ABCC11: variants seen among roughly 807,000 people sequenced by gnomAD.
ABCC11 encodes the protein ATP binding cassette subfamily C member 11, also known as ATP-binding cassette sub-family C member 11.
In ABCC11, 135 loss-of-function variants were observed where a neutral mutation model predicts 149.3. The ratio of observed to expected loss-of-function variants is 0.90; its 90% confidence interval spans 0.79 to 1.04. The LOEUF (loss-of-function observed/expected upper bound fraction) is 1.04, where lower values mean the gene tolerates loss of function less well. Ranked by LOEUF, ABCC11 falls within the 50% of genes least tolerant of loss-of-function variation. The pLI, the probability that ABCC11 is intolerant of heterozygous loss-of-function variation, is 0.00. For missense variants in ABCC11, 1,680 were observed against 1,722.1 expected, an observed-to-expected ratio of 0.98 and a Z score of 0.43; for synonymous variants, 665 against 671.4, an observed-to-expected ratio of 0.99 and a Z score of 0.15.
At chr16:48,244,215 G>A (rs1404247128) in intron 1 of ABCC11, 1 of 521,004 alleles carries the variant, frequency 1.9e-6, no homozygotes, top group African/African-American at 2.0e-5. Context: ...TTACCGGGAG[G>A]CTCTCCTAGA....
intron 23 of ABCC11, among the ~76,000 whole-genome samples, chr16:48,182,169 T>G (rs1038661278): frequency 2.0e-5 from 3 of 152,216 alleles, no homozygotes; most frequent in Non-Finnish European, 4.4e-5. Context: ...TGGACATACA[T>G]GCACTCCAGC....
chr16:48,178,296 C>A (rs1166951381), intron 24 of ABCC11, among the ~76,000 whole-genome samples: 3 of 152,144 alleles, frequency 2.0e-5, no homozygotes, highest in Non-Finnish European at 2.9e-5. Context: ...ATAATAGGAA[C>A]AAAGATTGTT....
chr16:48,203,869 C>CA (rs1209355465), intron 13 of ABCC11, among the ~76,000 whole-genome samples: 6 of 151,734 alleles, frequency 4.0e-5, no homozygotes, highest in Non-Finnish European at 8.8e-5. Flanking sequence ...GACTCCGTCT[C>CA]AAAAAAAAGC....
In ABCC11 at chr16:48,166,526, G is replaced by C. The variant is rs145888474; in HGVS notation, c.*748C>G. On this transcript the variant is annotated 3_prime_UTR_variant, in exon 30 of 30. Transcript: ENST00000356608. ...CAACAAACTCTTTTTTTTTTCCAAA[G>C]TTAGTTTGAGGGAGTCTCTGTTCCT... 5.9e-3 allele frequency among the ~76,000 whole-genome samples: 901 copies of C among 151,558 alleles called. 9 individuals are homozygous for C. Among genetic ancestry groups the C allele is most frequent in the African/African-American group, 0.021 (874 of 41,336 alleles).
At chr16:48,217,699 G>A (rs969503594) in intron 6 of ABCC11, among the ~76,000 whole-genome samples, 1 of 152,198 alleles carries the variant, frequency 6.6e-6, no homozygotes, top group African/African-American at 2.4e-5. Flanking sequence ...CCCTTACAAA[G>A]TGATTTGCTT....
intron 1 of ABCC11, among the ~76,000 whole-genome samples, chr16:48,233,205 A>C (rs1347579785): frequency 1.3e-5 from 2 of 152,198 alleles, no homozygotes; most frequent in African/African-American, 4.8e-5. Context: ...CATCTCAAAA[A>C]ACAAAACAAA....
In ABCC11 at chr16:48,193,937, A is replaced by G. The variant is rs779301481; in HGVS notation, c.2450T>C (p.Val817Ala). 7 of 1,614,092 alleles carry G rather than the reference A, an allele frequency of 4.3e-6. No individual in the cohort carries two copies. In the South Asian group the frequency reaches 7.7e-5, roughly 18 times the overall value. ...CIIFFFVVLI[V>A]FLTIFSFWWL... ...CCAGAAGCTGAAGATCGTTAAGAAG[A>G]CGATCAGCACCACGAAGAAGAAAAT... Residue 817 changes from valine to alanine, a missense_variant, in exon 19 of 30, where the codon GTC (valine) becomes GCC (alanine). By Grantham distance (64) the Val-to-Ala change is moderately conservative. Transcript: ENST00000356608.
At chr16:48,226,899 A>G (rs1219051858) in intron 4 of ABCC11, among the ~76,000 whole-genome samples, 1 of 152,226 alleles carries the variant, frequency 6.6e-6, no homozygotes, top group Non-Finnish European at 1.5e-5. Flanking sequence ...TATAATTTCC[A>G]GAACACATTT....
intron 20 of ABCC11, among the ~76,000 whole-genome samples, chr16:48,191,346 C>A (rs929014894): frequency 1.3e-5 from 2 of 151,980 alleles, no homozygotes; most frequent in Admixed American, 6.6e-5. Flanking sequence ...GACCAGCCTG[C>A]GCAACATGGC....
chr16:48,175,949 C>G (rs1185119678), intron 25 of ABCC11: 5 of 148,732 alleles, frequency 3.4e-5, no homozygotes, highest in Admixed American at 2.0e-4. Flanking sequence ...AGGTTTCAAC[C>G]CTGTTCTCAT....
rs747413417 is a variant in ABCC11 at position 48,230,555 on chromosome 16, C to T, written c.118G>A (p.Asp40Asn). Residue 40 changes from aspartate to asparagine, a missense_variant, in exon 3 of 30, where the codon GAT (aspartate) becomes AAT (asparagine). Asp to Asn is a conservative substitution (Grantham distance 23). Coordinates refer to ENST00000356608, the MANE Select transcript of ABCC11 (RefSeq NM_001370497.1). ...CTCTCTTGCTGACTCCAGGGGCCAT[C>T]TTGGAGAGTATAGGTTTTCTTGGAA... is the stretch of plus-strand genomic sequence containing the variant. ...GLIYKTYTLQ[D>N]GPWSQQERNP... 1.1e-5 allele frequency: 18 copies of T among 1,605,378 alleles called. No individual in the cohort carries two copies. Among genetic ancestry groups the T allele is most frequent in the Non-Finnish European group, 1.5e-5 (18 of 1,176,038 alleles).
intron 7 of ABCC11, 59 bp downstream of exon 7, chr16:48,216,055 T>A (rs1969317560): frequency 6.5e-7 from 1 of 1,541,922 alleles, no homozygotes; most frequent in Admixed American, 1.7e-5. Context: ...TATCCCAGAT[T>A]CCAGAGCCCT....
chr16:48,221,250 C>T (rs1441479142), intron 6 of ABCC11, among the ~76,000 whole-genome samples: 1 of 152,174 alleles, frequency 6.6e-6, no homozygotes, highest in African/African-American at 2.4e-5. Flanking sequence ...GGAGCCAAAG[C>T]AGTGTTGCCT....
At chr16:48,218,102 G>C (rs1034756278) in intron 6 of ABCC11, among the ~76,000 whole-genome samples, 1 of 152,122 alleles carries the variant, frequency 6.6e-6, no homozygotes, top group African/African-American at 2.4e-5. Flanking sequence ...TTCAAGACCA[G>C]CCTGGGCAAC....
chr16:48,211,299 G>A, intron 10 of ABCC11, 100 bp from the exon 11 acceptor site: 3 of 1,428,788 alleles, frequency 2.1e-6, no homozygotes, highest in Non-Finnish European at 2.8e-6. Context: ...GTATGGTTTT[G>A]TGAATTTCTA....
Position 48,191,566 on chromosome 16 carries a change from C to T in ABCC11, c.2706+954G>A, listed in dbSNP as rs183772738. Among the ~76,000 whole-genome samples the T allele has an allele frequency of 1.3e-4, 20 of 152,228 alleles. No individual in the cohort carries two copies. In the East Asian group the frequency reaches 2.9e-3, roughly 22 times the overall value. On this transcript the variant is annotated intron_variant, in intron 20 of 29. Coordinates refer to ENST00000356608, the MANE Select transcript of ABCC11 (RefSeq NM_001370497.1). Reference sequence around the variant, plus strand: ...ACTTTCATCTCAATTTTTCTGTAAACGAAAAGTGCTCAAAAAATAAAGTTG... The same window carrying T: ...ACTTTCATCTCAATTTTTCTGTAAATGAAAAGTGCTCAAAAAATAAAGTTG...
chr16:48,178,044 A>G (rs1249375278), intron 24 of ABCC11, among the ~76,000 whole-genome samples: 6 of 152,238 alleles, frequency 3.9e-5, no homozygotes, highest in Non-Finnish European at 7.3e-5. Context: ...AATAAAGAAC[A>G]TGATGGAGCC....
At chr16:48,244,477 G>C in intron 1 of ABCC11, 1 of 1,598,450 alleles carries the variant, frequency 6.3e-7, no homozygotes, top group Non-Finnish European at 8.5e-7. Flanking sequence ...TCCACCATGC[G>C]CACCAGCGTG....
intron 6 of ABCC11, among the ~76,000 whole-genome samples, chr16:48,221,376 C>T (rs949552471): frequency 6.6e-6 from 1 of 151,956 alleles, no homozygotes; most frequent in African/African-American, 2.4e-5. Context: ...TCCCAGTATC[C>T]CCCACAACTA....
Sources: allele counts gnomAD v4.1 joint callset (sites outside exome capture counted in the v4.1 genomes callset), GRCh38; gene constraint gnomAD v4.1.1; transcripts MANE v1.5; gene names NCBI Gene and HGNC (gene_info 2026-07-23, HGNC 2026-07-21).